Variants in NWD1 observed in about 807,000 individuals in gnomAD.
NWD1 encodes the protein NACHT domain- and WD repeat-containing protein 1.
A neutral mutation model predicts 135.1 loss-of-function variants in NWD1; 129 were observed. That is an observed-to-expected ratio of 0.96 (90% CI 0.83 to 1.11). The LOEUF (loss-of-function observed/expected upper bound fraction) is 1.11. Among genes scored for constraint, NWD1 ranks in the 50% least tolerant of loss-of-function variants. The pLI, the probability that NWD1 is intolerant of heterozygous loss-of-function variation, is 0.00. For missense variants in NWD1, 1,740 were observed against 1,851.3 expected (o/e 0.94, Z 1.10); for synonymous variants, 773 against 786.0 (o/e 0.98, Z 0.28).
chr19:16,813,443 C>T (rs762826355), intron 18 of NWD1, among the ~76,000 whole-genome samples: 9 of 152,054 alleles, frequency 5.9e-5, no homozygotes, highest in East Asian at 1.9e-4. Flanking sequence ...TCTTTGCCCC[C>T]GCCTTATAGA....
At chr19:16,762,757 G>A (rs1026117572) in intron 8 of NWD1, among the ~76,000 whole-genome samples, 1 of 151,666 alleles carries the variant, frequency 6.6e-6, no homozygotes, top group African/African-American at 2.4e-5. Flanking sequence ...TTTTTTTGGT[G>A]CTGCCTTTTC....
In NWD1 at chr19:16,780,529, T is replaced by TCACATTCA. The variant is rs141331666; in HGVS notation, c.2731+1067_2731+1074dup. Reference sequence around the variant, plus strand: ...GCCTGGACTTGGAGTTGGCACCTGGTCACATTCACATTCTCTTGACCAAAG... The same window carrying TCACATTCA: ...GCCTGGACTTGGAGTTGGCACCTGGTCACATTCACACATTCACATTCTCTTGACCAAAG... On this transcript the variant is annotated intron_variant, in intron 12 of 18. Transcript: ENST00000524140. 8.9e-3 allele frequency among the ~76,000 whole-genome samples: 1,360 copies of TCACATTCA among 152,268 alleles called. 25 individuals are homozygous for TCACATTCA. The highest frequency in any genetic ancestry group is 0.031 in the African/African-American group (1,305 of 41,560).
chr19:16,733,319 G>A (rs931467338), intron 3 of NWD1, among the ~76,000 whole-genome samples: 3 of 151,924 alleles, frequency 2.0e-5, no homozygotes, highest in African/African-American at 7.2e-5. Context: ...CCAGGAGTTC[G>A]AGACCAGCCT....
intron 8 of NWD1, 50 bp from the exon 9 acceptor site, chr19:16,763,778 T>A: frequency 8.8e-7 from 1 of 1,140,672 alleles, no homozygotes; most frequent in Non-Finnish European, 1.3e-6. Context: ...GTGCGTGGAG[T>A]GAATGAATGG....
chr19:16,744,556 G>A lies in NWD1; in HGVS notation c.334G>A (p.Glu112Lys), dbSNP rs531841943. 180 of 1,535,704 alleles carry A rather than the reference G, an allele frequency of 1.2e-4. No homozygotes were observed. The African/African-American group carries it at 2.2e-3, about 19-fold the overall frequency. ...ELVARYFQRDENAFPPTYVLQ... is the reference protein window; with the variant it reads ...ELVARYFQRDKNAFPPTYVLQ... The stretch of plus-strand genomic sequence containing the variant: ...GGTGGCACGATACTTCCAGAGGGAC[G>A]AGAATGCGTTTCCTCCCACCTACGT... Residue 112 changes from glutamate (E) to lysine (K), a missense_variant, in exon 5 of 19, where the codon GAG (glutamate) becomes AAG (lysine). By Grantham distance (56) the Glu-to-Lys change is moderately conservative. Coordinates refer to ENST00000524140, the MANE Select transcript of NWD1 (RefSeq NM_001007525.5).
In NWD1 at chr19:16,749,972, T is replaced by C. The variant is rs1439759606; in HGVS notation, c.1330T>C (p.Ser444Pro). 6.2e-7 allele frequency: 1 copy of C among 1,613,848 alleles called. No individual in the cohort carries two copies. Among genetic ancestry groups the C allele is most frequent in the South Asian group, 1.1e-5 (1 of 91,086 alleles). ...LLLDAMDDLD[S>P]VRHARRVPWL... is the part of the protein sequence containing the mutation. Reference sequence around the variant, plus strand: ...GCTGGATGCTATGGATGACCTGGACTCTGTCCGCCATGCTCGGAGGGTTCC... The same window carrying C: ...GCTGGATGCTATGGATGACCTGGACCCTGTCCGCCATGCTCGGAGGGTTCC... The change falls in exon 6 of 19, where the codon TCT becomes CCT. Residue 444 changes from serine (S) to proline (P), a missense_variant. Transcript: ENST00000524140.
At chr19:16,803,737 C>T (rs759302358) in intron 17 of NWD1, among the ~76,000 whole-genome samples, 4 of 145,998 alleles carry the variant, frequency 2.7e-5, no homozygotes, top group African/African-American at 5.1e-5. Flanking sequence ...GCCAACATGG[C>T]GAAACCCCAA....
intron 12 of NWD1, among the ~76,000 whole-genome samples, chr19:16,781,651 T>G (rs778396637): frequency 7.9e-5 from 12 of 151,978 alleles, no homozygotes; most frequent in Non-Finnish European, 1.2e-4. Context: ...TTTGTTGACC[T>G]GAGATCTTAT....
At chr19:16,744,801 G>GC (rs1000986496) in intron 5 of NWD1, 83 bp downstream of exon 5, 2 of 1,180,050 alleles carry the variant, frequency 1.7e-6, no homozygotes, top group African/African-American at 3.0e-5. Context: ...TGGCAAAAAT[G>GC]CAACAGTCTG....
intron 14 of NWD1, among the ~76,000 whole-genome samples, chr19:16,794,183 T>C (rs2123066750): frequency 1.3e-5 from 2 of 151,960 alleles, no homozygotes; most frequent in African/African-American, 4.8e-5. Context: ...TTGGCCCACA[T>C]GGTGAAACCC....
At chr19:16,778,521 GT>G (rs1969743155) in intron 11 of NWD1, among the ~76,000 whole-genome samples, 3 of 104,282 alleles carry the variant, frequency 2.9e-5, no homozygotes, top group Non-Finnish European at 5.5e-5. Context: ...TGTTGTTGTT[GT>G]TGTTGAGACA....
intron 10 of NWD1, among the ~76,000 whole-genome samples, chr19:16,768,538 G>A (rs972821476): frequency 1.3e-5 from 2 of 152,060 alleles, no homozygotes; most frequent in Admixed American, 1.3e-4. Context: ...ATCAAACTAT[G>A]GGAGACAATA....
In NWD1 at chr19:16,797,622, A is replaced by G; in HGVS notation, c.3305-110A>G. ...CTTGGCGTCCCAAAGTGCTGGGATT[A>G]CAGGCATGAACCACCACATCCGGCC... On this transcript the variant is annotated intron_variant, in intron 15 of 18. Transcript: ENST00000524140. The G allele has an allele frequency of 1.2e-5, 12 of 997,144 alleles. No homozygotes were observed. The South Asian group carries it at 1.9e-4, about 16-fold the overall frequency. 61.8% of individuals were successfully genotyped at this position (997,144 alleles called of 1,614,324 possible).
chr19:16,812,882 G>A, intron 18 of NWD1: 1 of 780,698 alleles, frequency 1.3e-6, no homozygotes, highest in South Asian at 1.3e-5. Flanking sequence ...GCAGGATTGA[G>A]CTTCGATCTG....
At chr19:16,740,642 A>ATTTT (rs1162769783) in intron 4 of NWD1, among the ~76,000 whole-genome samples, 10 of 112,954 alleles carry the variant, frequency 8.9e-5, no homozygotes, top group African/African-American at 2.1e-4. Flanking sequence ...CCAGACTTCT[A>ATTTT]TTTTTTTTTT....
chr19:16,748,778 C>T (rs886464301), intron 5 of NWD1, among the ~76,000 whole-genome samples: 17 of 152,010 alleles, frequency 1.1e-4, no homozygotes, highest in African/African-American at 3.4e-4. Context: ...GAGCTAAGAT[C>T]GCGCCACTCC....
intron 11 of NWD1, among the ~76,000 whole-genome samples, chr19:16,775,782 C>T (rs141647701): frequency 3.5e-4 from 54 of 152,302 alleles, no homozygotes; most frequent in African/African-American, 1.3e-3. Flanking sequence ...ATTTTCCTGC[C>T]TCAGCCTCCC....
intron 5 of NWD1, among the ~76,000 whole-genome samples, chr19:16,745,585 T>A (rs903954700): frequency 1.3e-5 from 2 of 151,376 alleles, no homozygotes; most frequent in Non-Finnish European, 2.9e-5. Context: ...AAAAAACTTT[T>A]AAAAATTTGC....
intron 4 of NWD1, among the ~76,000 whole-genome samples, chr19:16,737,831 G>T (rs1281279482): frequency 6.6e-6 from 1 of 151,840 alleles, no homozygotes; most frequent in Non-Finnish European, 1.5e-5. Flanking sequence ...TGGGCATGGT[G>T]GCACGTGCCT....
Sources: allele counts gnomAD v4.1 joint callset (sites outside exome capture counted in the v4.1 genomes callset), GRCh38; gene constraint gnomAD v4.1.1; transcripts MANE v1.5; gene names NCBI Gene and HGNC (gene_info 2026-07-23, HGNC 2026-07-21).